Variants in ADAMTS2 observed in about 807,000 individuals in gnomAD.
ADAMTS2 encodes the protein ADAM metallopeptidase with thrombospondin type 1 motif 2.
A neutral mutation model predicts 123.0 loss-of-function variants in ADAMTS2; 50 were observed. The ratio of observed to expected loss-of-function variants is 0.41; its 90% CI spans 0.32 to 0.51. The LOEUF is 0.51. Among genes scored for constraint, ADAMTS2 ranks in the 20% least tolerant of loss-of-function variants. The probability of loss-of-function intolerance (pLI) is 0.35; values close to 1 mark genes in which losing one functional copy is unlikely to be tolerated. For synonymous variants in ADAMTS2, 678 were observed against 695.4 expected (o/e 0.98, Z 0.39); for missense variants, 1,494 against 1,705.2 (o/e 0.88, Z 2.18).
At position 179,228,537 on chromosome 5, in the gene ADAMTS2, T is replaced by C. The variant is rs431472; in HGVS notation, c.689-20822A>G. Among the ~76,000 whole-genome samples, 100,569 of 152,128 alleles carry C rather than the reference T, an allele frequency of 0.66. 33,387 individuals carry two copies. Among genetic ancestry groups the C allele is most frequent in the Admixed American group, 0.7 (10,740 of 15,298 alleles). ...GTGGGTGTGAAGCGGAAGGAGACTCTGCAGCAAGGCCCAGCTCTTATGCCG... is the reference window on the plus strand; with the variant it reads ...GTGGGTGTGAAGCGGAAGGAGACTCCGCAGCAAGGCCCAGCTCTTATGCCG... On this transcript the variant is annotated intron_variant, in intron 3 of 21. Coordinates refer to ENST00000251582, the MANE Select transcript of ADAMTS2 (RefSeq NM_014244.5). The surrounding 1 kb of genome is among the most constrained non-coding windows in gnomAD (Gnocchi z 5.2).
intron 20 of ADAMTS2, among the ~76,000 whole-genome samples, chr5:179,122,042 C>CG (rs2113179811): frequency 6.6e-6 from 1 of 152,250 alleles, no homozygotes; most frequent in African/African-American, 2.4e-5. Context: ...ACCCTGCCCG[C>CG]GCCCCGGGTT....
chr5:179,151,086 G>A (rs540843753), intron 10 of ADAMTS2: 8 of 354,998 alleles, frequency 2.3e-5, no homozygotes, highest in African/African-American at 1.5e-4. Context: ...TAGTAGAGAC[G>A]GGATTTTGCC....
intron 3 of ADAMTS2, among the ~76,000 whole-genome samples, chr5:179,248,897 G>A (rs1468658668): frequency 2.0e-5 from 3 of 152,074 alleles, no homozygotes; most frequent in Non-Finnish European, 4.4e-5. Context: ...AGACCTGACA[G>A]ACATACATAG....
At chr5:179,253,418 C>A (rs980653907) in intron 3 of ADAMTS2, among the ~76,000 whole-genome samples, 1 of 152,066 alleles carries the variant, frequency 6.6e-6, no homozygotes, top group African/African-American at 2.4e-5. Context: ...CCAAGGTGGG[C>A]GGATCCCTTG....
intron 5 of ADAMTS2, among the ~76,000 whole-genome samples, chr5:179,167,371 A>C (rs1165134310): frequency 2.0e-5 from 3 of 152,100 alleles, no homozygotes; most frequent in Non-Finnish European, 2.9e-5. Flanking sequence ...CCGGGGCCCC[A>C]GCGGCCCCAA....
At chr5:179,297,483 C>T (rs464170) in intron 2 of ADAMTS2, among the ~76,000 whole-genome samples, 1 of 152,014 alleles carries the variant, frequency 6.6e-6, no homozygotes, top group Non-Finnish European at 1.5e-5. Context: ...CCACTCCCTG[C>T]TAGTACTGTC....
chr5:179,190,703 G>A (rs144686335), intron 4 of ADAMTS2, among the ~76,000 whole-genome samples: 244 of 152,358 alleles, frequency 1.6e-3, no homozygotes, highest in African/African-American at 5.7e-3. Context: ...CGTGACAAAA[G>A]TGAAATCCCC....
At chr5:179,200,625 G>A (rs536381699) in intron 4 of ADAMTS2, among the ~76,000 whole-genome samples, 1 of 152,150 alleles carries the variant, frequency 6.6e-6, no homozygotes, top group South Asian at 2.1e-4. Flanking sequence ...AGCGGTTGGT[G>A]AGGAACTGGA....
rs1762946211 is a variant in ADAMTS2 at position 179,130,730 on chromosome 5, C to T, written c.2291-632G>A. Among the ~76,000 whole-genome samples, 1 of 152,154 alleles carries T rather than the reference C, an allele frequency of 6.6e-6. No homozygotes were observed. The highest frequency in any genetic ancestry group is 1.5e-5 in the Non-Finnish European group (1 of 68,036). ...GTGGGGGGTGGCTGCTGCGGGGCAGCTGGGTGATGTGAGTGGGGCCGCAGA... is the reference window on the plus strand; with the variant it reads ...GTGGGGGGTGGCTGCTGCGGGGCAGTTGGGTGATGTGAGTGGGGCCGCAGA... On this transcript the variant is annotated intron_variant, in intron 15 of 21. Transcript: ENST00000251582. This position sits in a 1 kb window ranked among gnomAD's most constrained non-coding sequence, Gnocchi z 4.3.
At chr5:179,122,924 C>T in intron 19 of ADAMTS2, 151 bp from the exon 20 acceptor site, 2 of 1,222,926 alleles carry the variant, frequency 1.6e-6, no homozygotes, top group Non-Finnish European at 2.3e-6. Context: ...GGTTGCCTTG[C>T]CCCACCCTCG....
chr5:179,270,198 C>G (rs774401758), intron 3 of ADAMTS2, among the ~76,000 whole-genome samples: 1 of 152,144 alleles, frequency 6.6e-6, no homozygotes, highest in Non-Finnish European at 1.5e-5. Flanking sequence ...CCCTGAGGCT[C>G]CATGAGTCCC....
intron 4 of ADAMTS2, among the ~76,000 whole-genome samples, chr5:179,199,047 G>T (rs1189158908): frequency 6.6e-6 from 1 of 152,102 alleles, no homozygotes; most frequent in Non-Finnish European, 1.5e-5. Context: ...GCACATGCAG[G>T]GCAGCAGGTG....
chr5:179,318,440 G>C (rs1757063166), intron 2 of ADAMTS2, among the ~76,000 whole-genome samples: 1 of 151,996 alleles, frequency 6.6e-6, no homozygotes. Context: ...GGGACAGCCA[G>C]GGACGGCCAC....
intron 2 of ADAMTS2, among the ~76,000 whole-genome samples, chr5:179,342,662 G>T (rs1231678611): frequency 1.3e-5 from 2 of 152,256 alleles, no homozygotes; most frequent in South Asian, 4.1e-4. Context: ...AGTTCCCTGA[G>T]TAGCAATTAG....
chr5:179,153,679 C>T, intron 8 of ADAMTS2, 56 bp from the exon 9 acceptor site: 1 of 1,558,726 alleles, frequency 6.4e-7, no homozygotes, highest in Non-Finnish European at 8.6e-7. Flanking sequence ...CCATCCACAG[C>T]CCTGGAGGCA....
chr5:179,222,949 C>G (rs959947734), intron 3 of ADAMTS2, among the ~76,000 whole-genome samples: 1 of 152,162 alleles, frequency 6.6e-6, no homozygotes, highest in African/African-American at 2.4e-5. Flanking sequence ...CCAGGCAACC[C>G]CTCCCCCTGC....
chr5:179,215,636 G>A (rs537623901), intron 3 of ADAMTS2, among the ~76,000 whole-genome samples: 13 of 152,288 alleles, frequency 8.5e-5, no homozygotes, highest in African/African-American at 2.6e-4. Context: ...CAGAGCAGGA[G>A]GGGAAGAAAC....
chr5:179,122,718 G>A lies in ADAMTS2; in HGVS notation c.3014C>T (p.Ala1005Val), dbSNP rs79330641. ...CTGGCAGATGCCGAAGCTGTCGTCC[G>A]CGGTGCGGCAGAGCACTGGCCGCTC... Reference protein sequence around the residue: ...TQERPVLCRTADDSFGICQEE... With the variant: ...TQERPVLCRTVDDSFGICQEE... The change falls in exon 20 of 22, where the codon GCG (alanine) becomes GTG (valine). Residue 1005 changes from alanine (A) to valine (V), a missense_variant. Physicochemically the swap from Ala to Val is moderately conservative, Grantham distance 64 (BLOSUM62 0). Around this residue, in one of 6 missense-constraint regions of ADAMTS2, gnomAD observed 953 missense variants for 1,124.7 expected, o/e 0.85. Transcript: ENST00000251582. 1.4e-3 allele frequency: 2,149 copies of A among 1,552,394 alleles called. 23 individuals are homozygous for A. In the African/African-American group the frequency reaches 0.024, roughly 17 times the overall value.
In ADAMTS2 at chr5:179,245,488, C is replaced by T. The variant is rs953843307; in HGVS notation, c.688+27423G>A. Among the ~76,000 whole-genome samples, 8 of 148,198 alleles carry T rather than the reference C, an allele frequency of 5.4e-5. No homozygotes were observed. In the South Asian group the frequency reaches 6.4e-4, roughly 12 times the overall value. On this transcript the variant is annotated intron_variant, in intron 3 of 21. Coordinates refer to ENST00000251582, the MANE Select transcript of ADAMTS2 (RefSeq NM_014244.5). ...GAACAGTACAAAGATGGGGGTGGGC[C>T]GGGCGCGGTGGCTCACGCCTGTAAT...
Sources: gnomAD v4.1 joint callset for allele counts (sites outside exome capture counted in the v4.1 genomes callset) on GRCh38, gnomAD v4.1.1 for gene constraint, gnomAD v4.1.1 regional missense constraint, Gnocchi (gnomAD v3.1) non-coding constraint, MANE v1.5 for transcripts, NCBI Gene and HGNC (gene_info 2026-07-23, HGNC 2026-07-21) for gene names.